Variants in PRLR observed in about 807,000 individuals in gnomAD.
The protein encoded by PRLR is hPRL receptor.
In PRLR, 13 loss-of-function variants were observed where a neutral mutation model predicts 40.2. That is an observed-to-expected ratio of 0.32 (90% CI 0.21 to 0.51). PRLR has a LOEUF of 0.51. PRLR is among the 20% of genes least tolerant of loss of function. The probability of loss-of-function intolerance (pLI) is 0.97; values close to 1 mark genes in which losing one functional copy is unlikely to be tolerated. For missense variants in PRLR, 656 were observed against 747.3 expected, an observed-to-expected ratio of 0.88 and a Z score of 1.42; for synonymous variants, 269 against 278.7, an observed-to-expected ratio of 0.97 and a Z score of 0.35.
chr5:35,229,808 G>A (rs1312800235), intron 1 of PRLR, among the ~76,000 whole-genome samples: 3 of 152,026 alleles, frequency 2.0e-5, no homozygotes. Flanking sequence ...CTCGAGTCCG[G>A]CTTTCATCAC....
chr5:35,181,707 C>A (rs1226752965), intron 1 of PRLR, among the ~76,000 whole-genome samples: 1 of 152,106 alleles, frequency 6.6e-6, no homozygotes, highest in Non-Finnish European at 1.5e-5. Flanking sequence ...GGGAATAGAT[C>A]CTCAAGCCTT....
At chr5:35,097,286 A>C (rs1205660773) in intron 2 of PRLR, among the ~76,000 whole-genome samples, 1 of 152,212 alleles carries the variant, frequency 6.6e-6, no homozygotes. Flanking sequence ...CACACATGAA[A>C]TGTTTATATG....
At chr5:35,171,854 A>G (rs899061551) in intron 1 of PRLR, among the ~76,000 whole-genome samples, 2 of 152,166 alleles carry the variant, frequency 1.3e-5, no homozygotes, top group Non-Finnish European at 2.9e-5. Context: ...ACTCTAGATG[A>G]TATCTTTTAA....
rs1768753090 is a variant in PRLR at position 35,056,859 on chromosome 5, T to C, written c.*8230A>G. 6.6e-6 allele frequency: 1 copy of C among 152,170 alleles called. No homozygotes were observed. Among genetic ancestry groups the C allele is most frequent in the Non-Finnish European group, 1.5e-5 (1 of 68,020 alleles). 9.4% of individuals were successfully genotyped at this position (152,170 alleles called of 1,614,324 possible). A position where few individuals can be genotyped will look rare whatever the true frequency, so the allele number is the denominator to read the frequency against. On this transcript the variant is annotated 3_prime_UTR_variant, in exon 10 of 10. Coordinates refer to ENST00000618457, the MANE Select transcript of PRLR (RefSeq NM_000949.7). ...CAAGTAAGAAAGAAATTTCTCATTCTTCTGTAAGACATGGAATTAGAGAAT... is the reference window on the plus strand; with the variant it reads ...CAAGTAAGAAAGAAATTTCTCATTCCTCTGTAAGACATGGAATTAGAGAAT...
chr5:35,114,485 C>T (rs894652514), intron 2 of PRLR, among the ~76,000 whole-genome samples: 6 of 152,214 alleles, frequency 3.9e-5, no homozygotes, highest in African/African-American at 1.4e-4. Context: ...GTTGGGGTTA[C>T]AATTGCTCCT....
intron 5 of PRLR, among the ~76,000 whole-genome samples, chr5:35,074,126 G>T (rs774230180): frequency 3.9e-5 from 6 of 152,116 alleles, no homozygotes; most frequent in Non-Finnish European, 7.4e-5. Flanking sequence ...ATAGCCAAAA[G>T]TGAAGAAATC....
At chr5:35,219,327 AGCTGTATGATCTTGG>A (rs1776361521) in intron 1 of PRLR, among the ~76,000 whole-genome samples, 1 of 152,200 alleles carries the variant, frequency 6.6e-6, no homozygotes, top group Non-Finnish European at 1.5e-5. Context: ...ACTACTTACC[AGCTGTATGATCTTGG>A]GCATATGACT....
intron 1 of PRLR, among the ~76,000 whole-genome samples, chr5:35,175,049 T>C (rs35573457): frequency 0.17 from 26,385 of 152,192 alleles, 2,395 homozygotes; most frequent in African/African-American, 0.22. Flanking sequence ...AGTTGTCTTG[T>C]AGACGTATCC....
intron 2 of PRLR, among the ~76,000 whole-genome samples, chr5:35,099,010 T>G (rs879348735): frequency 6.6e-6 from 1 of 152,142 alleles, no homozygotes; most frequent in African/African-American, 2.4e-5. Context: ...TCAAGAATGT[T>G]GCTAAATGTA....
chr5:35,128,752 A>T (rs996428272), intron 1 of PRLR, among the ~76,000 whole-genome samples: 1 of 152,186 alleles, frequency 6.6e-6, no homozygotes, highest in Non-Finnish European at 1.5e-5. Flanking sequence ...ACAAGAAGGC[A>T]TTTCATTCAC....
At chr5:35,176,086 A>T (rs1221936131) in intron 1 of PRLR, among the ~76,000 whole-genome samples, 2 of 152,138 alleles carry the variant, frequency 1.3e-5, no homozygotes, top group Non-Finnish European at 2.9e-5. Context: ...TGCAGCCCCC[A>T]TGTTTATCTG....
At position 35,148,277 on chromosome 5, in the gene PRLR, A is replaced by G. The variant is rs189942067; in HGVS notation, c.-105-30155T>C. 2.5e-4 allele frequency among the ~76,000 whole-genome samples: 38 copies of G among 152,318 alleles called. No homozygotes were observed. The East Asian group carries it at 7.1e-3, about 29-fold the overall frequency. On this transcript the variant is annotated intron_variant, in intron 1 of 9. Transcript: ENST00000618457. The stretch of plus-strand genomic sequence containing the variant: ...GTTAATTATTCCATACAAACCAACA[A>G]TATTCCAACCATTCAATTTGTGTTG...
intron 1 of PRLR, among the ~76,000 whole-genome samples, chr5:35,220,853 T>C (rs1262481448): frequency 1.3e-5 from 2 of 152,168 alleles, no homozygotes; most frequent in Admixed American, 1.3e-4. Flanking sequence ...GCCTCTTCCA[T>C]CAAATCTAAT....
At chr5:35,179,652 T>C (rs1017743619) in intron 1 of PRLR, among the ~76,000 whole-genome samples, 8 of 152,188 alleles carry the variant, frequency 5.3e-5, no homozygotes, top group African/African-American at 1.9e-4. Flanking sequence ...AGTTATTTAA[T>C]TGCTTTTATG....
intron 1 of PRLR, among the ~76,000 whole-genome samples, chr5:35,193,462 C>T (rs1775658403): frequency 6.6e-6 from 1 of 152,162 alleles, no homozygotes; most frequent in Middle Eastern, 3.2e-3. Context: ...GTAAAATGGA[C>T]ACCATGCCTT....
intron 1 of PRLR, among the ~76,000 whole-genome samples, chr5:35,148,350 G>T (rs373157902): frequency 6.6e-6 from 1 of 152,080 alleles, no homozygotes; most frequent in African/African-American, 2.4e-5. Flanking sequence ...TTGTGCCTGT[G>T]TGATGCCAAT....
chr5:35,094,751 G>A (rs1023331146), intron 2 of PRLR, among the ~76,000 whole-genome samples: 22 of 151,660 alleles, frequency 1.5e-4, no homozygotes, highest in East Asian at 1.9e-4. Flanking sequence ...TTCTACCTGG[G>A]TTAGATGGCC....
chr5:35,055,574 C>A (rs138903484), downstream of PRLR: 387 of 151,956 alleles, frequency 2.5e-3, 1 homozygote, highest in African/African-American at 8.7e-3. Context: ...AAATGCAGTT[C>A]CCCCTCCTTC....
chr5:35,083,286 C>G (rs1026797967), intron 5 of PRLR, among the ~76,000 whole-genome samples: 2 of 152,008 alleles, frequency 1.3e-5, no homozygotes, highest in African/African-American at 4.8e-5. Context: ...GCAAGTTTTT[C>G]TAAAAAGCAG....
Sources: allele counts gnomAD v4.1 joint callset (sites outside exome capture counted in the v4.1 genomes callset), GRCh38; gene constraint gnomAD v4.1.1; transcripts MANE v1.5; gene names NCBI Gene and HGNC (gene_info 2026-07-23, HGNC 2026-07-21).